The following CCSER1 variants were observed in gnomAD, a reference collection of about 807,000 sequenced individuals.
CCSER1 encodes coiled-coil serine rich protein 1.
Under a neutral mutation model 82.0 loss-of-function variants are expected in CCSER1, and 41 were observed. The ratio of observed to expected loss-of-function variants is 0.50; its 90% CI spans 0.39 to 0.65. The LOEUF is 0.65. Ranked by LOEUF, CCSER1 falls within the 30% of genes least tolerant of loss-of-function variation. CCSER1 has a pLI of 0.00. For synonymous variants in CCSER1, 414 were observed against 383.9 expected, an observed-to-expected ratio of 1.08 and a Z score of -0.92; for missense variants, 1,119 against 1,064.2, an observed-to-expected ratio of 1.05 and a Z score of -0.72.
At chr4:91,495,933 A>G (rs1444204428) in intron 10 of CCSER1, among the ~76,000 whole-genome samples, 2 of 151,626 alleles carry the variant, frequency 1.3e-5, no homozygotes, top group Non-Finnish European at 3.0e-5. Context: ...AAGCATAAAC[A>G]TTTGAATCCT....
At chr4:90,297,299 GTTA>G (rs1307393777) in intron 1 of CCSER1, among the ~76,000 whole-genome samples, 3 of 148,162 alleles carry the variant, frequency 2.0e-5, no homozygotes, top group Non-Finnish European at 4.4e-5. Flanking sequence ...CTGTTTGTCT[GTTA>G]TTGGTGTATA....
chr4:90,276,319 T>TCCTTCC (rs1727785674), intron 1 of CCSER1, among the ~76,000 whole-genome samples: 1 of 131,854 alleles, frequency 7.6e-6, no homozygotes, highest in Non-Finnish European at 1.5e-5. Context: ...TTCTTTCTTT[T>TCCTTCC]TCTTTCTTTC....
chr4:90,960,145 A>G (rs920656341), intron 9 of CCSER1, among the ~76,000 whole-genome samples: 1 of 152,202 alleles, frequency 6.6e-6, no homozygotes, highest in African/African-American at 2.4e-5. Flanking sequence ...TCACAGAGAT[A>G]GCCTGTTCAC....
chr4:90,503,132 T>C (rs1770165079), intron 5 of CCSER1, among the ~76,000 whole-genome samples: 1 of 152,176 alleles, frequency 6.6e-6, no homozygotes, highest in Non-Finnish European at 1.5e-5. Context: ...AATTGAACCC[T>C]AGCCATCATT....
chr4:91,522,469 G>A (rs1035829311), intron 10 of CCSER1, among the ~76,000 whole-genome samples: 1 of 152,118 alleles, frequency 6.6e-6, no homozygotes, highest in Non-Finnish European at 1.5e-5. Flanking sequence ...TGGGCAGTAT[G>A]GCCATTTTCA....
At chr4:91,047,504 C>T (rs1742612897) in intron 9 of CCSER1, among the ~76,000 whole-genome samples, 1 of 152,092 alleles carries the variant, frequency 6.6e-6, no homozygotes, top group African/African-American at 2.4e-5. Context: ...GACAAATTAC[C>T]TATTTTCCCT....
chr4:90,650,106 A>G (rs908308849), intron 6 of CCSER1, among the ~76,000 whole-genome samples: 1 of 152,044 alleles, frequency 6.6e-6, no homozygotes, highest in Non-Finnish European at 1.5e-5. Flanking sequence ...AATCCCAGCT[A>G]CTCGGGAGGC....
At chr4:90,456,334 C>T (rs895599232) in intron 4 of CCSER1, among the ~76,000 whole-genome samples, 2 of 152,116 alleles carry the variant, frequency 1.3e-5, no homozygotes, top group African/African-American at 4.8e-5. Flanking sequence ...CTTATTCTAC[C>T]CGGTATTATT....
chr4:90,214,274 T>C (rs926912325), intron 1 of CCSER1, among the ~76,000 whole-genome samples: 1 of 152,138 alleles, frequency 6.6e-6, no homozygotes, highest in Non-Finnish European at 1.5e-5. Flanking sequence ...TAGGAGTCTA[T>C]AGAAGTTCTT....
At chr4:90,996,582 A>G (rs1737513715) in intron 9 of CCSER1, among the ~76,000 whole-genome samples, 1 of 152,150 alleles carries the variant, frequency 6.6e-6, no homozygotes, top group African/African-American at 2.4e-5. Flanking sequence ...CAGTTGGACT[A>G]AAACTTTAAA....
intron 10 of CCSER1, among the ~76,000 whole-genome samples, chr4:91,244,540 A>G (rs1221669235): frequency 6.6e-6 from 1 of 152,212 alleles, no homozygotes; most frequent in East Asian, 1.9e-4. Context: ...TCTGCCTGGT[A>G]ATCCAGAGAA....
intron 5 of CCSER1, among the ~76,000 whole-genome samples, chr4:90,557,018 T>C (rs1411317881): frequency 6.6e-6 from 1 of 152,058 alleles, no homozygotes; most frequent in Non-Finnish European, 1.5e-5. Flanking sequence ...TATTTATATC[T>C]ACTTATTGAA....
intron 9 of CCSER1, among the ~76,000 whole-genome samples, chr4:91,008,094 C>T (rs1738681487): frequency 6.6e-6 from 1 of 152,062 alleles, no homozygotes; most frequent in African/African-American, 2.4e-5. Flanking sequence ...GGAAACAATA[C>T]TTAATATACT....
chr4:91,027,910 G>A (rs527558970), intron 9 of CCSER1, among the ~76,000 whole-genome samples: 7 of 152,076 alleles, frequency 4.6e-5, no homozygotes, highest in African/African-American at 9.6e-5. Flanking sequence ...CATTCTGTCC[G>A]TTATAACTCT....
chr4:90,721,443 G>T (rs1742664477), intron 6 of CCSER1, among the ~76,000 whole-genome samples: 1 of 151,866 alleles, frequency 6.6e-6, no homozygotes, highest in African/African-American at 2.4e-5. Context: ...GCTCTTCTAT[G>T]TTCCCATAGG....
At chr4:90,312,017 C>G (rs1735373771) in intron 2 of CCSER1, among the ~76,000 whole-genome samples, 1 of 152,094 alleles carries the variant, frequency 6.6e-6, no homozygotes, top group South Asian at 2.1e-4. Flanking sequence ...AAGTTTAAAG[C>G]AGAATAAAGG....
intron 10 of CCSER1, among the ~76,000 whole-genome samples, chr4:91,158,432 C>A (rs1731038144): frequency 6.6e-6 from 1 of 151,866 alleles, no homozygotes; most frequent in South Asian, 2.1e-4. Context: ...TCACTTTATC[C>A]CTATTCCAAA....
At chr4:90,781,876 T>A in intron 7 of CCSER1, 2 of 928,032 alleles carry the variant, frequency 2.2e-6, no homozygotes, top group Non-Finnish European at 2.6e-6. Flanking sequence ...TGAAAGACAG[T>A]AATAATGATT....
chr4:90,319,660 A>G (rs1448557682), intron 3 of CCSER1, among the ~76,000 whole-genome samples: 2 of 152,144 alleles, frequency 1.3e-5, no homozygotes, highest in East Asian at 3.9e-4. Context: ...AAAAAAAAGC[A>G]AAGATGATAA....
Sources: allele counts gnomAD v4.1 joint callset (sites outside exome capture counted in the v4.1 genomes callset), GRCh38; gene constraint gnomAD v4.1.1; transcripts MANE v1.5; gene names NCBI Gene and HGNC (gene_info 2026-07-23, HGNC 2026-07-21).